Variants in PLD1 observed in about 807,000 individuals in gnomAD.
PLD1 encodes the protein phospholipase D1.
A neutral mutation model predicts 137.1 loss-of-function variants in PLD1; 112 were observed. The observed-to-expected ratio is 0.82, with a 90% CI of 0.70 to 0.96. The LOEUF is 0.96. Ranked by LOEUF, PLD1 falls within the 40% of genes least tolerant of loss-of-function variation. PLD1 has a pLI of 0.00. For missense variants in PLD1, 1,321 were observed against 1,342.0 expected (o/e 0.98, Z 0.24); for synonymous variants, 431 against 454.7 (o/e 0.95, Z 0.66).
chr3:171,621,114 T>C (rs139397843), intron 23 of PLD1, among the ~76,000 whole-genome samples: 18 of 152,246 alleles, frequency 1.2e-4, no homozygotes, highest in Admixed American at 6.5e-4. Flanking sequence ...CTTTAGATCA[T>C]TAAAATTAGG....
intron 26 of PLD1, among the ~76,000 whole-genome samples, chr3:171,604,252 T>C (rs1270914841): frequency 2.0e-5 from 3 of 150,008 alleles, no homozygotes; most frequent in Non-Finnish European, 4.4e-5. Flanking sequence ...AGGTAGAAAT[T>C]GCAGTGAGCC....
At chr3:171,639,540 T>A (rs1164102593) in intron 23 of PLD1, among the ~76,000 whole-genome samples, 1 of 84,468 alleles carries the variant, frequency 1.2e-5, no homozygotes, top group Non-Finnish European at 2.0e-5. Flanking sequence ...ATATATTATA[T>A]AAATATATAT....
At chr3:171,775,904 C>T (rs916812514) in intron 1 of PLD1, among the ~76,000 whole-genome samples, 2 of 151,932 alleles carry the variant, frequency 1.3e-5, no homozygotes, top group East Asian at 3.9e-4. Context: ...GAAAAAGCCA[C>T]AGGAAAACAC....
chr3:171,787,935 AG>A (rs1470400946), intron 1 of PLD1, among the ~76,000 whole-genome samples: 1 of 152,054 alleles, frequency 6.6e-6, no homozygotes, highest in Non-Finnish European at 1.5e-5. Context: ...CGGGTGCAGC[AG>A]TGGCTCATGC....
chr3:171,709,560 C>G lies in PLD1; in HGVS notation c.1061G>C (p.Trp354Ser). The G allele has an allele frequency of 1.2e-6, 2 of 1,613,168 alleles. No homozygotes were observed. Among genetic ancestry groups the G allele is most frequent in the Non-Finnish European group, 1.7e-6 (2 of 1,179,446 alleles). Residue 354 changes from tryptophan to serine, a missense_variant and splice_region_variant, in exon 10 of 27, where the codon TGG becomes TCG. Physicochemically the swap from Trp to Ser is radical, Grantham distance 177 (BLOSUM62 -3). Coordinates refer to ENST00000351298, the MANE Select transcript of PLD1 (RefSeq NM_002662.5). ...CAGGCTTAGAGAAATAATAACTTACCATTTAGCTAAAGCATTCTCTTGGAT... is the reference window on the plus strand; with the variant it reads ...CAGGCTTAGAGAAATAATAACTTACGATTTAGCTAAAGCATTCTCTTGGAT... ...AAIQENALAK[W>S]YVNAKGYFED... is the part of the protein sequence containing the mutation.
intron 1 of PLD1, among the ~76,000 whole-genome samples, chr3:171,786,842 T>C (rs1723028780): frequency 6.6e-6 from 1 of 152,190 alleles, no homozygotes; most frequent in Non-Finnish European, 1.5e-5. Context: ...CCTTATGAAT[T>C]CTTATCTCTT....
At chr3:171,607,891 G>T (rs9821786) in intron 25 of PLD1, among the ~76,000 whole-genome samples, 26,412 of 151,954 alleles carry the variant, frequency 0.17, 2,370 homozygotes, top group South Asian at 0.24. Context: ...ATTTCACATT[G>T]AAATAAGTCT....
At position 171,764,878 on chromosome 3, in the gene PLD1, A is replaced by AGAGAAAGAAAGGAAAGAAAGAAAG. The variant is rs1560288414; in HGVS notation, c.-31-26797_-31-26796insCTTTCTTTCTTTCCTTTCTTTCTC. ...AAGAAAGAAAGAAAGAAAGAAAGAA[A>AGAGAAAGAAAGGAAAGAAAGAAAG]GAAAGAAAGAAAGAAAGGAAGGAAG... On this transcript the variant is annotated intron_variant, in intron 1 of 26. Transcript: ENST00000351298. Among the ~76,000 whole-genome samples, 36 of 21,252 alleles carry AGAGAAAGAAAGGAAAGAAAGAAAG rather than the reference A, an allele frequency of 1.7e-3. 7 individuals are homozygous for AGAGAAAGAAAGGAAAGAAAGAAAG. Among genetic ancestry groups the AGAGAAAGAAAGGAAAGAAAGAAAG allele is most frequent in the Non-Finnish European group, 2.5e-3 (24 of 9,650 alleles). 13.9% of individuals were successfully genotyped at this position (21,252 alleles called of 152,430 possible).
intron 25 of PLD1, 36 bp from the exon 26 acceptor site, chr3:171,605,452 G>A: frequency 8.5e-7 from 1 of 1,176,298 alleles, no homozygotes; most frequent in Non-Finnish European, 1.3e-6. Context: ...GAGTAACTGA[G>A]ATAAAGCAGT....
intron 1 of PLD1, among the ~76,000 whole-genome samples, chr3:171,773,360 G>A (rs1181500284): frequency 2.0e-5 from 3 of 152,152 alleles, no homozygotes; most frequent in Admixed American, 2.0e-4. Flanking sequence ...TTGGGAGGCC[G>A]AGGCGGGTGG....
At chr3:171,694,130 T>C (rs1398194664) in intron 12 of PLD1, among the ~76,000 whole-genome samples, 1 of 152,142 alleles carries the variant, frequency 6.6e-6, no homozygotes, top group African/African-American at 2.4e-5. Context: ...ATGGTGTTAG[T>C]AATATCTTAA....
At chr3:171,708,170 C>G (rs952428626) in intron 11 of PLD1, among the ~76,000 whole-genome samples, 1 of 152,168 alleles carries the variant, frequency 6.6e-6, no homozygotes, top group Non-Finnish European at 1.5e-5. Context: ...ACACCAACTA[C>G]AGGAGTAAAT....
chr3:171,767,955 A>G (rs79857200), intron 1 of PLD1, among the ~76,000 whole-genome samples: 1 of 151,586 alleles, frequency 6.6e-6, no homozygotes, highest in East Asian at 1.9e-4. Flanking sequence ...AAAAAAAGAG[A>G]GGGGGGCTGG....
At chr3:171,681,724 T>C (rs75972928) in intron 16 of PLD1, among the ~76,000 whole-genome samples, 2,135 of 152,280 alleles carry the variant, frequency 0.014, 48 homozygotes, top group African/African-American at 0.045. Context: ...ACTAAAATAT[T>C]AGGTTTGTAA....
chr3:171,615,357 T>C (rs1733013815), intron 24 of PLD1, among the ~76,000 whole-genome samples: 2 of 152,190 alleles, frequency 1.3e-5, no homozygotes, highest in Admixed American at 1.3e-4. Flanking sequence ...GAAAACATTC[T>C]AAAAATTGTG....
At chr3:171,609,992 A>T (rs1012224868) in intron 25 of PLD1, among the ~76,000 whole-genome samples, 3 of 152,238 alleles carry the variant, frequency 2.0e-5, no homozygotes. Flanking sequence ...ATACATGGCT[A>T]ATAAACATAT....
In PLD1 at chr3:171,738,022, A is replaced by G. The variant is rs35127978; in HGVS notation, c.30T>C (p.Asn10=). MSLKNEPRV[N]TSALQKIAAD... is the part of the protein sequence containing the mutation. ...CAGCAATTTTCTGCAGTGCAGAGGT[A>G]TTTACCCGTGGCTCGTTTTTCAGTG... The change falls in exon 2 of 27, where the codon AAT becomes AAC. Residue 10 remains asparagine, a synonymous_variant. Transcript: ENST00000351298. 2.1e-3 allele frequency: 3,319 copies of G among 1,613,250 alleles called. 72 individuals carry two copies. In the African/African-American group the frequency reaches 0.04, roughly 20 times the overall value.
At chr3:171,721,983 A>T (rs1027976761) in intron 8 of PLD1, among the ~76,000 whole-genome samples, 8 of 152,150 alleles carry the variant, frequency 5.3e-5, no homozygotes, top group Admixed American at 5.2e-4. Context: ...TTAATTTTAT[A>T]TATTTTGAAT....
At chr3:171,659,117 G>A in intron 21 of PLD1, 96 bp downstream of exon 21, 1 of 823,548 alleles carries the variant, frequency 1.2e-6, no homozygotes, top group Non-Finnish European at 2.1e-6. Flanking sequence ...TAAGCTGCTA[G>A]GAAATGACAG....
Sources: gnomAD v4.1 joint callset for allele counts (sites outside exome capture counted in the v4.1 genomes callset) on GRCh38, gnomAD v4.1.1 for gene constraint, MANE v1.5 for transcripts, NCBI Gene and HGNC (gene_info 2026-07-23, HGNC 2026-07-21) for gene names.